The following SPDYE4 variants were observed in gnomAD, a reference collection of about 807,000 sequenced individuals.
SPDYE4 encodes speedy/RINGO cell cycle regulator family member E4.
Under a neutral mutation model 37.5 loss-of-function variants are expected in SPDYE4, and 30 were observed. That is an observed-to-expected ratio of 0.80 (90% confidence interval 0.60 to 1.09). SPDYE4 has a LOEUF of 1.09. Ranked by LOEUF, SPDYE4 falls within the 50% of genes least tolerant of loss-of-function variation. The pLI is 0.00. For synonymous variants in SPDYE4, 131 were observed against 120.3 expected, an observed-to-expected ratio of 1.09 and a Z score of -0.58; for missense variants, 300 against 307.9, an observed-to-expected ratio of 0.97 and a Z score of 0.19.
rs781696414 is a variant in SPDYE4, at chr17:8,757,375, T to A, written c.227A>T (p.Glu76Val). Residue 76 changes from glutamate (E) to valine (V), a missense_variant, in exon 2 of 7, where the codon GAG becomes GTG. Glu to Val is a moderately radical substitution (Grantham distance 121). Transcript: ENST00000689094. ...CTCCACCACCCAGGTGTCCTCGGGCTCAGGGGCGCGCTCCAACTCCAGCTC... is the reference window on the plus strand; with the variant it reads ...CTCCACCACCCAGGTGTCCTCGGGCACAGGGGCGCGCTCCAACTCCAGCTC... ...EEELELERAPEPEDTWVVETL... is the reference protein window; with the variant it reads ...EEELELERAPVPEDTWVVETL... 6 of 1,594,746 alleles carry A rather than the reference T, an allele frequency of 3.8e-6. No homozygotes were observed. The highest frequency in any genetic ancestry group is 1.8e-5 in the Admixed American group (1 of 55,978).
Position 8,755,519 on chromosome 17 carries a change from C to T in SPDYE4, c.485+1G>A, listed in dbSNP as rs2086764415. 1 of 1,611,154 alleles carries T rather than the reference C, an allele frequency of 6.2e-7. No homozygotes were observed. Among genetic ancestry groups the T allele is most frequent in the Non-Finnish European group, 8.5e-7 (1 of 1,179,332 alleles). On this transcript the variant is annotated splice_donor_variant, in intron 4 of 6. Transcript: ENST00000689094. LOFTEE classifies it high-confidence loss of function. ...CAGATGGGAAGAAGCAAACTACTCA[C>T]AGAGCCAGGAAGAAATGAATGCGTT...
Position 8,753,348 on chromosome 17 carries a change from C to A in SPDYE4, c.627G>T (p.Thr209=), listed in dbSNP as rs775746897. The A allele has an allele frequency of 6.3e-7, 1 of 1,578,844 alleles. No individual in the cohort carries two copies. The highest frequency in any genetic ancestry group is 8.6e-7 in the Non-Finnish European group (1 of 1,161,866). The change falls in exon 5 of 7, where the codon ACG becomes ACT. Residue 209 remains threonine, a synonymous_variant. Coordinates refer to ENST00000689094, the MANE Select transcript of SPDYE4 (RefSeq NM_001394956.1). ...CCTCCATCTCCTCTGGGGAAACCCA[C>A]GTCCTCCAGCGCATGGAACAGAGGA... ...YQLLCSMRWR[T]WVSPEEMEEI... is the part of the protein sequence containing the mutation.
At chr17:8,749,799 T>C (rs2086715395), downstream of SPDYE4, among the ~76,000 whole-genome samples, 1 of 152,212 alleles carries the variant, frequency 6.6e-6, no homozygotes, top group African/African-American at 2.4e-5. Flanking sequence ...CACAAACGCT[T>C]CTCAAATTCC....
chr17:8,756,290 G>A (rs2151145732), intron 3 of SPDYE4, 88 bp downstream of exon 3: 2 of 1,239,854 alleles, frequency 1.6e-6, no homozygotes, highest in Non-Finnish European at 2.3e-6. Flanking sequence ...TAGAGGGAGA[G>A]AGGAGAGAAA....
intron 3 of SPDYE4, among the ~76,000 whole-genome samples, chr17:8,756,134 A>T (rs968321529): frequency 6.6e-6 from 1 of 152,150 alleles, no homozygotes; most frequent in African/African-American, 2.4e-5. Flanking sequence ...CGGGAGGATC[A>T]CTTGAGCCCA....
Position 8,755,360 on chromosome 17 carries a change from A to G in SPDYE4, c.485+160T>C, listed in dbSNP as rs891889891. On this transcript the variant is annotated intron_variant, in intron 4 of 6. Coordinates refer to ENST00000689094, the MANE Select transcript of SPDYE4 (RefSeq NM_001394956.1). ...CAACTGCATTTGTGTTTGTTTTTAG[A>G]AAGAACAGACTAAGAACACCATAGT... The G allele has an allele frequency of 2.8e-5, 26 of 930,140 alleles. No homozygotes were observed. In the Admixed American group the frequency reaches 7.9e-4, roughly 28 times the overall value. The allele number at this position is 930,140 out of a possible 1,614,324, so 57.6% of individuals were successfully genotyped here. A position where few individuals can be genotyped will look rare whatever the true frequency, so the allele number is the denominator to read the frequency against.
chr17:8,755,343 T>G, intron 4 of SPDYE4, 177 bp downstream of exon 4: 1 of 813,864 alleles, frequency 1.2e-6, no homozygotes. Flanking sequence ...GTCAACTGCA[T>G]TTGTGTTTGT....
rs754409502 is a variant in SPDYE4 at position 8,753,359 on chromosome 17, G to A, written c.616C>T (p.Arg206Cys). The A allele has an allele frequency of 6.3e-5, 92 of 1,468,620 alleles. No individual in the cohort carries two copies. In the South Asian group the frequency reaches 7.1e-4, roughly 11 times the overall value. 91.0% of individuals were successfully genotyped at this position (1,468,620 alleles called of 1,614,324 possible). Reference sequence around the variant, plus strand: ...TCTGGGGAAACCCACGTCCTCCAGCGCATGGAACAGAGGAGCTGGTATCGA... The same window carrying A: ...TCTGGGGAAACCCACGTCCTCCAGCACATGGAACAGAGGAGCTGGTATCGA... ...KLRYQLLCSM[R>C]WRTWVSPEEM... The change falls in exon 5 of 7, where the codon CGC (arginine) becomes TGC (cysteine). Residue 206 changes from arginine (R) to cysteine (C), a missense_variant. Arg to Cys is a radical substitution (Grantham distance 180). Transcript: ENST00000689094.
At chr17:8,750,007 C>G (rs577369080), downstream of SPDYE4, among the ~76,000 whole-genome samples, 71 of 152,324 alleles carry the variant, frequency 4.7e-4, no homozygotes, top group Non-Finnish European at 8.1e-4. Flanking sequence ...GTGTGTCTGT[C>G]AAGCATCTCC....
chr17:8,757,766 G>GCT (rs61587336), intron 1 of SPDYE4, among the ~76,000 whole-genome samples: 74 of 143,776 alleles, frequency 5.1e-4, no homozygotes, highest in African/African-American at 9.0e-4. Context: ...AGCTCTGTCT[G>GCT]CTCTCTCTCT....
chr17:8,756,475 C>T (rs746423604), intron 2 of SPDYE4, 39 bp from the exon 3 acceptor site: 4 of 1,603,442 alleles, frequency 2.5e-6, no homozygotes, highest in Non-Finnish European at 3.4e-6. Flanking sequence ...AGAAGTGGAA[C>T]AGGGTTGCCG....
At chr17:8,753,281 AT>A (rs2086742857) in intron 5 of SPDYE4, 39 bp downstream of exon 5, 11 of 390,538 alleles carry the variant, frequency 2.8e-5, no homozygotes, top group African/African-American at 6.7e-5. Context: ...AGTCCACCCC[AT>A]CCCTCCCCAC....
rs2086731592 is a variant in SPDYE4, at chr17:8,752,001, A to G, written c.*281T>C. Reference sequence around the variant, plus strand: ...AACGTGAAAAGGGAGGTTTTGCCGCAGGAAGGGGTGGAACCAGAAACACCC... The same window carrying G: ...AACGTGAAAAGGGAGGTTTTGCCGCGGGAAGGGGTGGAACCAGAAACACCC... On this transcript the variant is annotated 3_prime_UTR_variant, in exon 7 of 7. Coordinates refer to ENST00000689094, the MANE Select transcript of SPDYE4 (RefSeq NM_001394956.1). Among the ~76,000 whole-genome samples, 1 of 152,064 alleles carries G rather than the reference A, an allele frequency of 6.6e-6. No homozygotes were observed. Among genetic ancestry groups the G allele is most frequent in the Non-Finnish European group, 1.5e-5 (1 of 68,002 alleles).
At chr17:8,754,142 G>A (rs2086752994) in intron 4 of SPDYE4, among the ~76,000 whole-genome samples, 1 of 152,094 alleles carries the variant, frequency 6.6e-6, no homozygotes, top group Non-Finnish European at 1.5e-5. Flanking sequence ...AACTTCATAA[G>A]GTTTTGTTGA....
At chr17:8,755,022 G>T (rs1381587289) in intron 4 of SPDYE4, among the ~76,000 whole-genome samples, 1 of 152,204 alleles carries the variant, frequency 6.6e-6, no homozygotes, top group Non-Finnish European at 1.5e-5. Flanking sequence ...GTGAAGGGGG[G>T]GTGGGAGCTG....
Position 8,758,033 on chromosome 17 carries a change from G to A in SPDYE4, c.109+241C>T, listed in dbSNP as rs113256170. Among the ~76,000 whole-genome samples, 8 of 152,010 alleles carry A rather than the reference G, an allele frequency of 5.3e-5. No individual in the cohort carries two copies. In the East Asian group the frequency reaches 1.4e-3, roughly 26 times the overall value. On this transcript the variant is annotated intron_variant, in intron 1 of 6. Transcript: ENST00000689094. ...TCTGACCTCGTGATCCGTCCGCCTC[G>A]GCCTTCCTCTCTCATCTTTTGAGCA...
At chr17:8,756,704 G>A (rs2086775694) in intron 2 of SPDYE4, among the ~76,000 whole-genome samples, 2 of 152,176 alleles carry the variant, frequency 1.3e-5, no homozygotes, top group Non-Finnish European at 2.9e-5. Flanking sequence ...CCTCCCATCA[G>A]ACAGGAAGGG....
chr17:8,753,162 G>A lies in SPDYE4; in HGVS notation c.690C>T (p.Ala230=), dbSNP rs756681674. ...QAYDPEHWVW[A]RDRTLIS is the part of the protein sequence containing the mutation. ...TCTAGGAAATGAGGGTGCGATCTCGGGCCCACACCCAGTGCTCTGGGTCAT... is the reference window on the plus strand; with the variant it reads ...TCTAGGAAATGAGGGTGCGATCTCGAGCCCACACCCAGTGCTCTGGGTCAT... The change falls in exon 6 of 7, where the codon GCC becomes GCT. Residue 230 remains alanine, a synonymous_variant. Transcript: ENST00000689094. 4 of 1,613,846 alleles carry A rather than the reference G, an allele frequency of 2.5e-6. No homozygotes were observed. Among genetic ancestry groups the A allele is most frequent in the Non-Finnish European group, 3.4e-6 (4 of 1,180,012 alleles).
At position 8,751,724 on chromosome 17, in the gene SPDYE4, CA is replaced by C. The variant is rs1176239560; in HGVS notation, c.*557del. On this transcript the variant is annotated 3_prime_UTR_variant, in exon 7 of 7. Transcript: ENST00000689094. ...TAGGAACAGCATGTTTTCAAAACTA[CA>C]AAAACCCCAAACTATTTTAAATCAA... Among the ~76,000 whole-genome samples the C allele has an allele frequency of 7.9e-5, 12 of 152,172 alleles. No homozygotes were observed. In the East Asian group the frequency reaches 2.1e-3, roughly 27 times the overall value.
Sources: gnomAD v4.1 joint callset for allele counts (sites outside exome capture counted in the v4.1 genomes callset) on GRCh38, gnomAD v4.1.1 for gene constraint, MANE v1.5 for transcripts, NCBI Gene and HGNC (gene_info 2026-07-23, HGNC 2026-07-21) for gene names.